The following C6orf132 variants were observed in gnomAD, a reference collection of about 807,000 sequenced individuals.
C6orf132 encodes the protein uncharacterized protein C6orf132.
Under a neutral mutation model 65.3 loss-of-function variants are expected in C6orf132, and 43 were observed. The observed-to-expected ratio is 0.66, with a 90% CI of 0.52 to 0.85. The LOEUF (loss-of-function observed/expected upper bound fraction) is 0.85. Ranked by LOEUF, C6orf132 falls within the 40% of genes least tolerant of loss-of-function variation. The pLI is 0.00. For synonymous variants in C6orf132, 631 were observed against 654.1 expected (o/e 0.96, Z 0.54); for missense variants, 1,488 against 1,548.8 (o/e 0.96, Z 0.66).
chr6:42,128,603 C>T (rs370950469), intron 2 of C6orf132, 69 bp downstream of exon 2: 34 of 1,240,574 alleles, frequency 2.7e-5, no homozygotes, highest in Non-Finnish European at 3.3e-5. Context: ...GATGTCCACT[C>T]GGGCTAGGGC....
rs1291191830 is a variant in C6orf132, at chr6:42,137,807, A to AGGCAGG, written c.145+4487_145+4492dup. 1.1e-4 allele frequency among the ~76,000 whole-genome samples: 6 copies of AGGCAGG among 53,122 alleles called. No individual in the cohort carries two copies. In the Admixed American group the frequency reaches 1.5e-3, roughly 13 times the overall value. 34.9% of individuals were successfully genotyped at this position (53,122 alleles called of 152,430 possible). Reference sequence around the variant, plus strand: ...TAAATCCCAGCACTTTGGGAGGCCGAGGCAGGGGCGGGGGCGGGGCGGGGC... The same window carrying AGGCAGG: ...TAAATCCCAGCACTTTGGGAGGCCGAGGCAGGGGCAGGGGCGGGGGCGGGGCGGGGC... On this transcript the variant is annotated intron_variant, in intron 1 of 4. Coordinates refer to ENST00000341865, the MANE Select transcript of C6orf132 (RefSeq NM_001164446.3).
chr6:42,142,490 C>CCCT lies in C6orf132; in HGVS notation c.-47_-46insAGG. On this transcript the variant is annotated 5_prime_UTR_variant, in exon 1 of 5. Coordinates refer to ENST00000341865, the MANE Select transcript of C6orf132 (RefSeq NM_001164446.3). Reference sequence around the variant, plus strand: ...CGCCAGGGAAGGACCTTCCCTCCCTCGCCCTGCCCTGCCCCGGACTGAACT... The same window carrying CCCT: ...CGCCAGGGAAGGACCTTCCCTCCCTCCCTGCCCTGCCCTGCCCCGGACTGAACT... The CCCT allele has an allele frequency of 1.3e-6, 2 of 1,538,946 alleles. No individual in the cohort carries two copies. Among genetic ancestry groups the CCCT allele is most frequent in the Non-Finnish European group, 1.8e-6 (2 of 1,141,330 alleles).
At position 42,107,077 on chromosome 6, in the gene C6orf132, T is replaced by C; in HGVS notation, c.835A>G (p.Ser279Gly). 2 of 1,471,452 alleles carry C rather than the reference T, an allele frequency of 1.4e-6. No individual in the cohort carries two copies. The highest frequency in any genetic ancestry group is 1.8e-6 in the Non-Finnish European group (2 of 1,113,460). 91.1% of individuals were successfully genotyped at this position (1,471,452 alleles called of 1,614,324 possible). A position where few individuals can be genotyped will look rare whatever the true frequency, so the allele number is the denominator to read the frequency against. The part of the protein sequence containing the change: ...AEATRASPPR[S>G]PAEPKGSALG... ...GCGCTCCCCTTTGGCTCAGCAGGGC[T>C]TCTCGGGGGGCTGGCTCTGGTGGCC... The change falls in exon 4 of 5, where the codon AGC (serine) becomes GGC (glycine). Residue 279 changes from serine (S) to glycine (G), a missense_variant. Ser to Gly is a moderately conservative substitution (Grantham distance 56). Transcript: ENST00000341865.
Position 42,105,248 on chromosome 6 carries a change from C to T in C6orf132, c.2664G>A (p.Thr888=), listed in dbSNP as rs1360894387. ...SSDSIFHSQG[T]PNSFTVVPKL... ...TGGGCACCACAGTGAAGGAGTTGGGCGTGCCCTGGCTGTGGAAGATGCTGT... is the reference window on the plus strand; with the variant it reads ...TGGGCACCACAGTGAAGGAGTTGGGTGTGCCCTGGCTGTGGAAGATGCTGT... The change falls in exon 4 of 5, where the codon ACG becomes ACA. Residue 888 remains threonine, a synonymous_variant. Transcript: ENST00000341865. 3.2e-5 allele frequency: 49 copies of T among 1,537,078 alleles called. No homozygotes were observed. Among genetic ancestry groups the T allele is most frequent in the Non-Finnish European group, 4.1e-5 (47 of 1,146,910 alleles).
chr6:42,110,088 G>A (rs745879483), intron 3 of C6orf132, 128 bp downstream of exon 3: 19 of 713,384 alleles, frequency 2.7e-5, no homozygotes, highest in African/African-American at 7.3e-5. Context: ...TGAGGATGGC[G>A]AGAGTGGCTG....
chr6:42,123,636 G>C (rs188212374), intron 2 of C6orf132, among the ~76,000 whole-genome samples: 5 of 152,192 alleles, frequency 3.3e-5, no homozygotes, highest in Admixed American at 2.0e-4. Flanking sequence ...ACAGGCTCTG[G>C]CTTGCTCTCT....
Position 42,106,283 on chromosome 6 carries a change from G to A in C6orf132, c.1629C>T (p.Ala543=). The A allele has an allele frequency of 2.0e-6, 3 of 1,536,872 alleles. No homozygotes were observed. The highest frequency in any genetic ancestry group is 2.6e-6 in the Non-Finnish European group (3 of 1,146,866). Residue 543 remains alanine, a synonymous_variant, in exon 4 of 5, where the codon GCC becomes GCT. Transcript: ENST00000341865. ...CCACAGAGGGCAGGGTCAGGCTGGG[G>A]GCAGCCTCTGTCTCTGTCAGGCTGC... ...GGSSLTETEA[A]PSLTLPSVDY...
intron 3 of C6orf132, among the ~76,000 whole-genome samples, chr6:42,109,521 C>T (rs926298220): frequency 6.6e-6 from 1 of 152,124 alleles, no homozygotes; most frequent in Non-Finnish European, 1.5e-5. Context: ...GTGAGGGAGA[C>T]GGCCACACAG....
At position 42,116,547 on chromosome 6, in the gene C6orf132, C is replaced by T. The variant is rs115312211; in HGVS notation, c.253-6256G>A. ...TGATGCCAGATACTTTCCCAGTCTC[C>T]GCCTCACTCCATTCTCCAAAGCTGC... On this transcript the variant is annotated intron_variant, in intron 2 of 4. Transcript: ENST00000341865. Among the ~76,000 whole-genome samples the T allele has an allele frequency of 2.1e-3, 325 of 152,238 alleles. 1 individual carries two copies. The highest frequency in any genetic ancestry group is 7.2e-3 in the African/African-American group (298 of 41,528).
At chr6:42,140,099 C>G (rs566961109) in intron 1 of C6orf132, among the ~76,000 whole-genome samples, 1 of 152,250 alleles carries the variant, frequency 6.6e-6, no homozygotes, top group African/African-American at 2.4e-5. Context: ...AACACTGAGG[C>G]GCTGTTCTGC....
intron 1 of C6orf132, among the ~76,000 whole-genome samples, chr6:42,130,345 T>A (rs1285814762): frequency 6.6e-6 from 1 of 152,126 alleles, no homozygotes; most frequent in African/African-American, 2.4e-5. Flanking sequence ...TCTGACTCAA[T>A]GGGAAACAAC....
rs1176104512 is a variant in C6orf132 at position 42,105,227 on chromosome 6, C to T, written c.2685G>A (p.Val895=). The change falls in exon 4 of 5, where the codon GTG becomes GTA. Residue 895 remains valine, a synonymous_variant. Transcript: ENST00000341865. ...TCTCAGCCTCCTTGGGTAACTTGGG[C>T]ACCACAGTGAAGGAGTTGGGCGTGC... ...SQGTPNSFTV[V]PKLPKEAEKD... 6.5e-7 allele frequency: 1 copy of T among 1,537,216 alleles called. No homozygotes were observed. Among genetic ancestry groups the T allele is most frequent in the Non-Finnish European group, 8.7e-7 (1 of 1,146,902 alleles).
intron 2 of C6orf132, among the ~76,000 whole-genome samples, chr6:42,118,763 G>C (rs1027690239): frequency 6.6e-6 from 1 of 151,618 alleles, no homozygotes; most frequent in Non-Finnish European, 1.5e-5. Context: ...GCACTTCCTC[G>C]TCCTCACACC....
intron 2 of C6orf132, among the ~76,000 whole-genome samples, chr6:42,123,619 C>T (rs58587045): frequency 0.17 from 25,246 of 151,326 alleles, 2,255 homozygotes; most frequent in African/African-American, 0.2. Flanking sequence ...GAAGAAGAAA[C>T]AGAGGGACAG....
Position 42,111,278 on chromosome 6 carries a change from ATT to A in C6orf132, c.253-989_253-988del, listed in dbSNP as rs61241413. Among the ~76,000 whole-genome samples, 73 of 119,910 alleles carry A rather than the reference ATT, an allele frequency of 6.1e-4. 1 individual carries two copies. The Middle Eastern group carries it at 0.014, about 23-fold the overall frequency. 78.7% of individuals were successfully genotyped at this position (119,910 alleles called of 152,430 possible). Reference sequence around the variant, plus strand: ...AGATGTGTGCCACCATTCCTGGCTAATTTTTTTTTTTTTTTTTTTTGAGATGG... The same window carrying A: ...AGATGTGTGCCACCATTCCTGGCTAATTTTTTTTTTTTTTTTTTGAGATGG... On this transcript the variant is annotated intron_variant, in intron 2 of 4. Transcript: ENST00000341865.
intron 1 of C6orf132, among the ~76,000 whole-genome samples, chr6:42,138,148 ATTT>A (rs201646672): frequency 6.6e-6 from 1 of 152,052 alleles, no homozygotes; most frequent in African/African-American, 2.4e-5. Context: ...AATTAAATTA[ATTT>A]TTTTGGGTGG....
chr6:42,138,722 T>TTTTC (rs1416236201), intron 1 of C6orf132, among the ~76,000 whole-genome samples: 30 of 152,214 alleles, frequency 2.0e-4, no homozygotes, highest in African/African-American at 7.2e-4. Flanking sequence ...AGATAAAGAA[T>TTTTC]CTTGGCTCAG....
rs1766375034 is a variant in C6orf132 at position 42,105,226 on chromosome 6, G to A, written c.2686C>T (p.Pro896Ser). The change falls in exon 4 of 5, where the codon CCC becomes TCC. Residue 896 changes from proline to serine, a missense_variant. Pro to Ser is a moderately conservative substitution (Grantham distance 74). Coordinates refer to ENST00000341865, the MANE Select transcript of C6orf132 (RefSeq NM_001164446.3). ...QGTPNSFTVV[P>S]KLPKEAEKDS... ...TTCTCAGCCTCCTTGGGTAACTTGG[G>A]CACCACAGTGAAGGAGTTGGGCGTG... 2.0e-6 allele frequency: 3 copies of A among 1,537,190 alleles called. No homozygotes were observed. Among genetic ancestry groups the A allele is most frequent in the Non-Finnish European group, 2.6e-6 (3 of 1,146,898 alleles).
rs1562041928 is a variant in C6orf132 at position 42,132,873 on chromosome 6, AG to A, written c.146-4096del. Among the ~76,000 whole-genome samples, 565 of 150,084 alleles carry A rather than the reference AG, an allele frequency of 3.8e-3. 13 individuals carry two copies. The highest frequency in any genetic ancestry group is 0.013 in the African/African-American group (531 of 40,726). On this transcript the variant is annotated intron_variant, in intron 1 of 4. Transcript: ENST00000341865. ...CTCTGTCTCAAAAAAAAAAAAGAAA[AG>A]AAAAGAAAAGAAAAGAAAAGGAGGT...
Sources: gnomAD v4.1 joint callset for allele counts (sites outside exome capture counted in the v4.1 genomes callset) on GRCh38, gnomAD v4.1.1 for gene constraint, MANE v1.5 for transcripts, NCBI Gene and HGNC (gene_info 2026-07-23, HGNC 2026-07-21) for gene names.